CCZ1B: variants seen among roughly 807,000 people sequenced by gnomAD.
CCZ1B encodes the protein CCZ1B vacuolar protein trafficking and biogenesis associated.
CCZ1B carries 25 observed loss-of-function variants against 58.8 expected under a neutral mutation model. The ratio of observed to expected loss-of-function variants is 0.43; its 90% CI spans 0.31 to 0.59. CCZ1B has a LOEUF of 0.59. CCZ1B is among the 20% of genes least tolerant of loss of function. CCZ1B has a pLI of 0.12. For missense variants in CCZ1B, 180 were observed against 501.5 expected, an observed-to-expected ratio of 0.36 and a Z score of 6.12; for synonymous variants, 66 against 173.2, an observed-to-expected ratio of 0.38 and a Z score of 4.86.
chr7:6,825,208 A>T (rs1294700323), intron 1 of CCZ1B, among the ~76,000 whole-genome samples: 3 of 148,062 alleles, frequency 2.0e-5, no homozygotes, highest in Non-Finnish European at 4.4e-5. Flanking sequence ...AATTAAATCC[A>T]GTCAGTTCCC....
At chr7:6,820,108 A>G (rs1293808114) in intron 6 of CCZ1B, among the ~76,000 whole-genome samples, 167 bp from the exon 7 acceptor site, 1 of 145,402 alleles carries the variant, frequency 6.9e-6, no homozygotes. Flanking sequence ...CTGAGTGTCA[A>G]CTCAGTACCA....
chr7:6,812,369 A>G (rs1782929470), intron 9 of CCZ1B: 3 of 369,862 alleles, frequency 8.1e-6, no homozygotes, highest in Non-Finnish European at 1.5e-5. Flanking sequence ...GGCACCTGCA[A>G]TCCCAGCTAC....
In CCZ1B at chr7:6,811,971, A is replaced by T; in HGVS notation, c.935T>A (p.Leu312His). The T allele has an allele frequency of 1.3e-6, 2 of 1,568,944 alleles. No homozygotes were observed. The highest frequency in any genetic ancestry group is 1.7e-6 in the Non-Finnish European group (2 of 1,153,864). Reference sequence around the variant, plus strand: ...TGTTACCTTATAAACGATTAAATGGAGCTCTTCATAAGTGTCATCTGTATT... The same window carrying T: ...TGTTACCTTATAAACGATTAAATGGTGCTCTTCATAAGTGTCATCTGTATT... ...FVNTDDTYEE[L>H]HLIVYKAMSA... Residue 312 changes from leucine (L) to histidine (H), a missense_variant, in exon 10 of 15, where the codon CTC becomes CAC. Physicochemically the swap from Leu to His is moderately conservative, Grantham distance 99 (BLOSUM62 -3). Coordinates refer to ENST00000316731, the MANE Select transcript of CCZ1B (RefSeq NM_198097.5).
chr7:6,815,090 C>T lies in CCZ1B; in HGVS notation c.699-245G>A, dbSNP rs182336326. Among the ~76,000 whole-genome samples the T allele has an allele frequency of 4.1e-3, 606 of 148,956 alleles. 43 individuals carry two copies. Among genetic ancestry groups the T allele is most frequent in the African/African-American group, 0.015 (585 of 39,526 alleles). ...TAGCATTGAGGTAAATCTGAATTTA[C>T]GTGGTATACTTTGTCAAACTTTTCC... On this transcript the variant is annotated intron_variant, in intron 7 of 14. Coordinates refer to ENST00000316731, the MANE Select transcript of CCZ1B (RefSeq NM_198097.5).
intron 7 of CCZ1B, among the ~76,000 whole-genome samples, chr7:6,816,831 C>A (rs1329366619): frequency 6.6e-6 from 1 of 151,786 alleles, no homozygotes; most frequent in Non-Finnish European, 1.5e-5. Flanking sequence ...TAGCTCACTG[C>A]AACCTCAAAC....
chr7:6,823,519 T>TC (rs1466393711), intron 4 of CCZ1B, among the ~76,000 whole-genome samples, 159 bp from the exon 5 acceptor site: 1 of 138,666 alleles, frequency 7.2e-6, no homozygotes, highest in African/African-American at 2.9e-5. Context: ...TGCGTTCTTT[T>TC]TTTTTTTTTT....
chr7:6,812,902 G>A (rs1782940817), intron 9 of CCZ1B, 74 bp downstream of exon 9: 2 of 1,541,404 alleles, frequency 1.3e-6, no homozygotes, highest in African/African-American at 1.5e-5. Flanking sequence ...TCTCCAGCCT[G>A]GGTAACAGAG....
At position 6,812,910 on chromosome 7, in the gene CCZ1B, G is replaced by A. The variant is rs560682391; in HGVS notation, c.842+66C>T. The A allele has an allele frequency of 1.7e-3, 2,620 of 1,533,314 alleles. 71 individuals carry two copies. Among genetic ancestry groups the A allele is most frequent in the African/African-American group, 0.017 (1,121 of 67,806 alleles). 95.0% of individuals were successfully genotyped at this position (1,533,314 alleles called of 1,614,324 possible). On this transcript the variant is annotated intron_variant, in intron 9 of 14. Coordinates refer to ENST00000316731, the MANE Select transcript of CCZ1B (RefSeq NM_198097.5). ...CCACTGCTCTCCAGCCTGGGTAACAGAGCCAGACTCTGAGTCAAAAAAGAA... is the reference window on the plus strand; with the variant it reads ...CCACTGCTCTCCAGCCTGGGTAACAAAGCCAGACTCTGAGTCAAAAAAGAA...
At chr7:6,818,044 G>C (rs7812056) in intron 7 of CCZ1B, among the ~76,000 whole-genome samples, 1,882 of 137,056 alleles carry the variant, frequency 0.014, 11 homozygotes, top group East Asian at 0.065. Context: ...CCTGAAATTT[G>C]TGTTGTCTTC....
At position 6,814,552 on chromosome 7, in the gene CCZ1B, G is replaced by A. The variant is rs1375517383; in HGVS notation, c.780+212C>T. ...AAACCAACACACAGACACACAAAACGATGCTTTCTGTATCACATCTGAATG... is the reference window on the plus strand; with the variant it reads ...AAACCAACACACAGACACACAAAACAATGCTTTCTGTATCACATCTGAATG... On this transcript the variant is annotated intron_variant, in intron 8 of 14. Coordinates refer to ENST00000316731, the MANE Select transcript of CCZ1B (RefSeq NM_198097.5). 3.1e-5 allele frequency: 13 copies of A among 424,398 alleles called. No homozygotes were observed. The East Asian group carries it at 3.8e-4, about 12-fold the overall frequency. 26.3% of individuals were successfully genotyped at this position (424,398 alleles called of 1,614,324 possible).
Position 6,816,968 on chromosome 7 carries a change from T to C in CCZ1B, c.699-2123A>G, listed in dbSNP as rs183625806. ...TTGTAGAGATACAGTCTCACTATGC[T>C]GCCCAGGCTGGTCTTGAACTCCTGG... On this transcript the variant is annotated intron_variant, in intron 7 of 14. Transcript: ENST00000316731. 2.0e-5 allele frequency among the ~76,000 whole-genome samples: 3 copies of C among 152,222 alleles called. No homozygotes were observed. The East Asian group carries it at 5.8e-4, about 29-fold the overall frequency.
chr7:6,820,504 A>G (rs1273398519), intron 6 of CCZ1B, among the ~76,000 whole-genome samples: 1 of 147,870 alleles, frequency 6.8e-6, no homozygotes, highest in African/African-American at 2.6e-5. Flanking sequence ...TTTGGTATAG[A>G]CAGAGTCTTG....
At chr7:6,820,429 A>G (rs1270958864) in intron 6 of CCZ1B, among the ~76,000 whole-genome samples, 13 of 149,004 alleles carry the variant, frequency 8.7e-5, no homozygotes, top group East Asian at 1.9e-4. Context: ...TGCCTGCCTC[A>G]GCCTCCCAAA....
chr7:6,820,481 ATTTT>A (rs1373094438), intron 6 of CCZ1B, among the ~76,000 whole-genome samples: 1 of 142,042 alleles, frequency 7.0e-6, no homozygotes, highest in African/African-American at 2.7e-5. Flanking sequence ...CTGGCCAAAA[ATTTT>A]TTTTTTTTTT....
At chr7:6,817,281 C>T (rs1359694442) in intron 7 of CCZ1B, among the ~76,000 whole-genome samples, 2 of 151,658 alleles carry the variant, frequency 1.3e-5, no homozygotes, top group Non-Finnish European at 2.9e-5. Context: ...AAAGGGCCAA[C>T]GCTGCTGGTC....
chr7:6,812,830 G>A, intron 9 of CCZ1B, 146 bp downstream of exon 9: 8 of 1,476,424 alleles, frequency 5.4e-6, no homozygotes, highest in Non-Finnish European at 7.3e-6. Flanking sequence ...GGAGGCTGAG[G>A]CATGAGAATC....
In CCZ1B at chr7:6,805,118, T is replaced by C; in HGVS notation, c.989-63A>G. 3.5e-6 allele frequency: 4 copies of C among 1,138,446 alleles called. 1 individual carries two copies. The highest frequency in any genetic ancestry group is 4.5e-6 in the Non-Finnish European group (4 of 897,588). 70.5% of individuals were successfully genotyped at this position (1,138,446 alleles called of 1,614,324 possible). A position where few individuals can be genotyped will look rare whatever the true frequency, so the allele number is the denominator to read the frequency against. On this transcript the variant is annotated intron_variant, in intron 11 of 14. Coordinates refer to ENST00000316731, the MANE Select transcript of CCZ1B (RefSeq NM_198097.5). ...TTTACTGTGCGACACTGAACAACAG[T>C]ATTCAAACGAAAACTTCACTGGTCT...
At chr7:6,801,810 G>T (rs1583546983) in intron 12 of CCZ1B, among the ~76,000 whole-genome samples, 1 of 81,636 alleles carries the variant, frequency 1.2e-5, no homozygotes, top group Admixed American at 1.6e-4. Context: ...TCCTGACCTT[G>T]TGATCCACCC....
chr7:6,801,893 CAA>C (rs1210321224), intron 12 of CCZ1B, among the ~76,000 whole-genome samples: 6 of 118,868 alleles, frequency 5.0e-5, no homozygotes, highest in Non-Finnish European at 1.1e-4. Context: ...TTTTTCTAAA[CAA>C]AGTTTCACGG....
Sources: gnomAD v4.1 joint callset for allele counts (sites outside exome capture counted in the v4.1 genomes callset) on GRCh38, gnomAD v4.1.1 for gene constraint, MANE v1.5 for transcripts, NCBI Gene and HGNC (gene_info 2026-07-23, HGNC 2026-07-21) for gene names.